PCDH9: variants seen among roughly 807,000 people sequenced by gnomAD.
The protein encoded by PCDH9 is protocadherin-9.
PCDH9 carries 24 observed loss-of-function variants against 70.6 expected under a neutral mutation model. The ratio of observed to expected loss-of-function variants is 0.34; its 90% CI spans 0.25 to 0.48. The LOEUF is 0.48. Ranked by LOEUF, PCDH9 falls within the 20% of genes least tolerant of loss-of-function variation. PCDH9 has a pLI of 0.99. For synonymous variants in PCDH9, 562 were observed against 558.5 expected (o/e 1.01, Z -0.09); for missense variants, 1,281 against 1,503.6 (o/e 0.85, Z 2.45).
At chr13:66,517,603 G>C (rs1004284381) in intron 4 of PCDH9, among the ~76,000 whole-genome samples, 5 of 152,004 alleles carry the variant, frequency 3.3e-5, no homozygotes, top group African/African-American at 1.2e-4. Flanking sequence ...AAGAAAAAAC[G>C]TGTCTTGGAA....
chr13:66,837,025 T>C (rs975188507), intron 3 of PCDH9, among the ~76,000 whole-genome samples: 3 of 152,168 alleles, frequency 2.0e-5, no homozygotes, highest in Admixed American at 6.5e-5. Flanking sequence ...CTTGTCAGCA[T>C]CCACATAAGA....
chr13:66,631,269 T>C lies in PCDH9; in HGVS notation c.3281A>G (p.Tyr1094Cys). ...CCTCTTGTCCGGAGAGGCCTGGTCA[T>C]AGAATTCGTCCTGTGGCTGAACCAG... is the stretch of plus-strand genomic sequence containing the variant. ...LPLVQPQDEF[Y>C]DQASPDKRTE... Residue 1094 changes from tyrosine to cysteine, a missense_variant, in exon 4 of 5, where the codon TAT (tyrosine) becomes TGT (cysteine). Physicochemically the swap from Tyr to Cys is radical, Grantham distance 194. Coordinates refer to ENST00000377865, the MANE Select transcript of PCDH9 (RefSeq NM_203487.3). 3 of 1,611,596 alleles carry C rather than the reference T, an allele frequency of 1.9e-6. No individual in the cohort carries two copies. Among genetic ancestry groups the C allele is most frequent in the Admixed American group, 1.7e-5 (1 of 60,022 alleles).
At chr13:66,580,128 TAA>T (rs1000153675) in intron 4 of PCDH9, among the ~76,000 whole-genome samples, 1 of 152,060 alleles carries the variant, frequency 6.6e-6, no homozygotes, top group Non-Finnish European at 1.5e-5. Context: ...ATATTTTAAT[TAA>T]AAGTTAATAA....
At chr13:66,551,577 G>A (rs924069817) in intron 4 of PCDH9, among the ~76,000 whole-genome samples, 2 of 152,156 alleles carry the variant, frequency 1.3e-5, no homozygotes, top group East Asian at 1.9e-4. Flanking sequence ...AATTGATAGT[G>A]TAAACATAAA....
chr13:66,407,240 C>T (rs748041013), intron 4 of PCDH9, among the ~76,000 whole-genome samples: 2 of 152,162 alleles, frequency 1.3e-5, no homozygotes, highest in Admixed American at 6.5e-5. Context: ...TATGCTCAAG[C>T]GTAAATACAT....
chr13:67,024,894 G>A (rs1339997644), intron 2 of PCDH9, among the ~76,000 whole-genome samples: 1 of 152,032 alleles, frequency 6.6e-6, no homozygotes, highest in African/African-American at 2.4e-5. Context: ...ATTGATGAAG[G>A]AGTGACGTTC....
chr13:67,033,225 G>A (rs991254234), intron 2 of PCDH9, among the ~76,000 whole-genome samples: 14 of 152,022 alleles, frequency 9.2e-5, no homozygotes, highest in African/African-American at 3.4e-4. Context: ...ATTAAAACAG[G>A]ATAATGAAAT....
At position 66,322,768 on chromosome 13, in the gene PCDH9, T is replaced by C. The variant is rs925346644; in HGVS notation, c.3341-17740A>G. On this transcript the variant is annotated intron_variant, in intron 4 of 4. Coordinates refer to ENST00000377865, the MANE Select transcript of PCDH9 (RefSeq NM_203487.3). ...CCAGTGATTTTATAATTAGTATTTA[T>C]TGGACATTTTGATTTCATTTATGTG... Among the ~76,000 whole-genome samples, 8 of 152,184 alleles carry C rather than the reference T, an allele frequency of 5.3e-5. 1 individual carries two copies. The highest frequency in any genetic ancestry group is 1.2e-4 in the African/African-American group (5 of 41,480).
At chr13:66,710,969 T>C (rs1241323899) in intron 3 of PCDH9, among the ~76,000 whole-genome samples, 1 of 152,164 alleles carries the variant, frequency 6.6e-6, no homozygotes, top group Non-Finnish European at 1.5e-5. Context: ...GCAGTTCACA[T>C]TCCTTACTTA....
intron 2 of PCDH9, among the ~76,000 whole-genome samples, chr13:67,093,581 T>C (rs569576308): frequency 6.6e-6 from 1 of 152,170 alleles, no homozygotes; most frequent in Non-Finnish European, 1.5e-5. Flanking sequence ...AGTGTGATTA[T>C]TTCCTTGAAA....
At chr13:66,879,207 T>C (rs1483189399) in intron 3 of PCDH9, among the ~76,000 whole-genome samples, 1 of 152,204 alleles carries the variant, frequency 6.6e-6, no homozygotes, top group Non-Finnish European at 1.5e-5. Context: ...TTATTAATTA[T>C]ATTTCTTTTA....
At chr13:67,120,398 G>T (rs935605941) in intron 2 of PCDH9, among the ~76,000 whole-genome samples, 1 of 151,970 alleles carries the variant, frequency 6.6e-6, no homozygotes, top group African/African-American at 2.4e-5. Context: ...AGTCCTCATG[G>T]CCAGCCCCTG....
chr13:66,717,381 G>A (rs2078878456), intron 3 of PCDH9, among the ~76,000 whole-genome samples: 1 of 135,730 alleles, frequency 7.4e-6, no homozygotes, highest in Non-Finnish European at 1.5e-5. Flanking sequence ...GAACCCAGGA[G>A]GCAGAGGTTC....
intron 3 of PCDH9, among the ~76,000 whole-genome samples, chr13:66,809,036 C>T (rs1224703547): frequency 6.6e-6 from 1 of 152,216 alleles, no homozygotes; most frequent in African/African-American, 2.4e-5. Context: ...CAAGCTCCGC[C>T]TCCCAGGTTC....
At chr13:66,925,112 C>T (rs184487878) in intron 2 of PCDH9, among the ~76,000 whole-genome samples, 64 of 151,928 alleles carry the variant, frequency 4.2e-4, no homozygotes, top group Non-Finnish European at 7.5e-4. Flanking sequence ...AATCTGTTCG[C>T]TGTCAATTTG....
At chr13:67,156,019 G>A (rs1224024091) in intron 2 of PCDH9, among the ~76,000 whole-genome samples, 1 of 151,970 alleles carries the variant, frequency 6.6e-6, no homozygotes, top group Non-Finnish European at 1.5e-5. Context: ...TATCTTTAAG[G>A]ATGCCGGAGA....
chr13:66,799,051 G>C (rs2080288053), intron 3 of PCDH9, among the ~76,000 whole-genome samples: 1 of 152,130 alleles, frequency 6.6e-6, no homozygotes, highest in South Asian at 2.1e-4. Context: ...TTGACCTCAA[G>C]TGATTGGCCT....
intron 3 of PCDH9, among the ~76,000 whole-genome samples, chr13:66,778,483 G>T (rs965683570): frequency 2.8e-4 from 43 of 152,206 alleles, no homozygotes; most frequent in African/African-American, 8.7e-4. Context: ...CAGGAGTGAT[G>T]GCTTTTCCAA....
At chr13:67,051,486 G>A (rs1178002454) in intron 2 of PCDH9, among the ~76,000 whole-genome samples, 8 of 141,354 alleles carry the variant, frequency 5.7e-5, no homozygotes, top group South Asian at 2.3e-4. Flanking sequence ...TCCGCCTCCC[G>A]GGTTCAAGTG....
Sources: gnomAD v4.1 joint callset for allele counts (sites outside exome capture counted in the v4.1 genomes callset) on GRCh38, gnomAD v4.1.1 for gene constraint, MANE v1.5 for transcripts, NCBI Gene and HGNC (gene_info 2026-07-23, HGNC 2026-07-21) for gene names.